KCMF1: variants seen among roughly 807,000 people sequenced by gnomAD.
KCMF1 encodes potassium channel modulatory factor 1, also known as E3 ubiquitin-protein ligase KCMF1.
KCMF1 carries 3 observed loss-of-function variants against 41.1 expected under a neutral mutation model. The ratio of observed to expected loss-of-function variants is 0.07; its 90% confidence interval spans 0.03 to 0.19. The LOEUF is 0.19. Ranked by LOEUF, KCMF1 falls within the 10% of genes least tolerant of loss-of-function variation. KCMF1 has a pLI of 1.00. For synonymous variants in KCMF1, 142 were observed against 164.5 expected, an observed-to-expected ratio of 0.86 and a Z score of 1.04; for missense variants, 286 against 488.9, an observed-to-expected ratio of 0.58 and a Z score of 3.91.
chr2:85,035,277 T>G, intron 3 of KCMF1, 122 bp downstream of exon 3: 1 of 905,196 alleles, frequency 1.1e-6, no homozygotes, highest in Non-Finnish European at 1.6e-6. Flanking sequence ...TTTGCATAGT[T>G]ATTAAAATCA....
intron 5 of KCMF1, among the ~76,000 whole-genome samples, chr2:85,047,027 T>C (rs1675683693): frequency 6.6e-6 from 1 of 152,192 alleles, no homozygotes; most frequent in African/African-American, 2.4e-5. Context: ...AACAGATAAG[T>C]ATGTATAGGA....
intron 3 of KCMF1, among the ~76,000 whole-genome samples, chr2:85,039,182 TATATA>T (rs1175811365): frequency 2.0e-5 from 3 of 152,232 alleles, no homozygotes; most frequent in East Asian, 3.8e-4. Flanking sequence ...GTAACAAAAT[TATATA>T]ATATAACAAA....
chr2:85,038,026 A>C (rs1675443680), intron 3 of KCMF1, among the ~76,000 whole-genome samples: 1 of 152,242 alleles, frequency 6.6e-6, no homozygotes, highest in South Asian at 2.1e-4. Context: ...GTGAATTCCC[A>C]AGATGTCATC....
In KCMF1 at chr2:85,049,490, G is replaced by T; in HGVS notation, c.726G>T (p.Gln242His). 6.2e-7 allele frequency: 1 copy of T among 1,614,046 alleles called. No individual in the cohort carries two copies. The stretch of plus-strand genomic sequence containing the variant: ...TGCAGCTAGAACGGCAGCATGCCCA[G>T]GCAGCACGGCAACAACTGGAGACCG... ...MQLQLERQHA[Q>H]AARQQLETAR... The change falls in exon 6 of 7, where the codon CAG becomes CAT. Residue 242 changes from glutamine to histidine, a missense_variant. Physicochemically the swap from Gln to His is conservative, Grantham distance 24. Transcript: ENST00000409785.
intron 1 of KCMF1, among the ~76,000 whole-genome samples, chr2:84,988,446 T>C (rs1378108302): frequency 6.6e-6 from 1 of 152,222 alleles, no homozygotes; most frequent in South Asian, 2.1e-4. Context: ...TATCTCAGTT[T>C]TATAGATGAG....
chr2:85,023,872 TATC>T (rs1167524051), intron 1 of KCMF1, among the ~76,000 whole-genome samples: 2 of 152,240 alleles, frequency 1.3e-5, no homozygotes, highest in African/African-American at 4.8e-5. Flanking sequence ...TAACACTTGA[TATC>T]ATGAAACTTG....
intron 1 of KCMF1, among the ~76,000 whole-genome samples, chr2:85,002,783 C>G (rs1166650799): frequency 6.6e-6 from 1 of 152,068 alleles, no homozygotes; most frequent in Non-Finnish European, 1.5e-5. Flanking sequence ...CTGTTCCCAG[C>G]TCTTTTGCTG....
chr2:85,000,521 C>G (rs904789060), intron 1 of KCMF1, among the ~76,000 whole-genome samples: 4 of 152,126 alleles, frequency 2.6e-5, no homozygotes, highest in Non-Finnish European at 4.4e-5. Flanking sequence ...TCTCTTCAGT[C>G]TCTATTTCAT....
At chr2:85,019,110 A>G (rs1181839344) in intron 1 of KCMF1, among the ~76,000 whole-genome samples, 4 of 152,180 alleles carry the variant, frequency 2.6e-5, no homozygotes, top group African/African-American at 9.7e-5. Context: ...TCTTCCTGTG[A>G]AGGAATTGAT....
chr2:85,055,095 C>A lies in KCMF1; in HGVS notation c.*1686C>A, dbSNP rs886769277. On this transcript the variant is annotated 3_prime_UTR_variant, in exon 7 of 7. Transcript: ENST00000409785. ...TAAAGGAAAACTTTACACCAGGCTT[C>A]TGGTTACACTAGAAGTCAAGCCCAT... 1.3e-5 allele frequency: 2 copies of A among 152,216 alleles called. No individual in the cohort carries two copies. The highest frequency in any genetic ancestry group is 2.9e-5 in the Non-Finnish European group (2 of 68,040). The allele number at this position is 152,216 out of a possible 1,614,324, so 9.4% of individuals were successfully genotyped here.
At chr2:85,017,951 C>G (rs752873119) in intron 1 of KCMF1, among the ~76,000 whole-genome samples, 18 of 152,016 alleles carry the variant, frequency 1.2e-4, no homozygotes, top group Non-Finnish European at 2.1e-4. Flanking sequence ...AATTTTAGTT[C>G]ATAGCTTTCA....
intron 1 of KCMF1, among the ~76,000 whole-genome samples, chr2:85,019,775 C>CGTGTATATATATACGTATATATGTGT (rs1558577667): frequency 2.0e-5 from 3 of 150,170 alleles, no homozygotes. Flanking sequence ...TATACATATA[C>CGTGTATATATATACGTATATATGTGT]GTGTATATAT....
chr2:85,008,372 T>TATATAATATATA lies in KCMF1; in HGVS notation c.17-19515_17-19514insATAATATATAAT, dbSNP rs1558573622. ...AATATATAATATATATTATATATCA[T>TATATAATATATA]ATGATATATTATATATGATATATAT... On this transcript the variant is annotated intron_variant, in intron 1 of 6. Coordinates refer to ENST00000409785, the MANE Select transcript of KCMF1 (RefSeq NM_020122.5). 6.3e-4 allele frequency among the ~76,000 whole-genome samples: 58 copies of TATATAATATATA among 91,558 alleles called. 1 individual carries two copies. Among genetic ancestry groups the TATATAATATATA allele is most frequent in the Admixed American group, 1.3e-3 (11 of 8,324 alleles). 60.1% of individuals were successfully genotyped at this position (91,558 alleles called of 152,430 possible).
chr2:85,010,512 C>T (rs1031167894), intron 1 of KCMF1, among the ~76,000 whole-genome samples: 2 of 152,178 alleles, frequency 1.3e-5, no homozygotes, highest in African/African-American at 2.4e-5. Flanking sequence ...AAAATTATGG[C>T]TCAGTCTCTC....
At chr2:85,019,633 G>C (rs1302406938) in intron 1 of KCMF1, among the ~76,000 whole-genome samples, 1 of 151,906 alleles carries the variant, frequency 6.6e-6, no homozygotes, top group Non-Finnish European at 1.5e-5. Flanking sequence ...AAAACCCTCT[G>C]TAGCATGCCT....
intron 1 of KCMF1, among the ~76,000 whole-genome samples, chr2:84,998,386 T>C (rs1249050508): frequency 6.6e-6 from 1 of 152,072 alleles, no homozygotes; most frequent in African/African-American, 2.4e-5. Context: ...TGAGCCACCA[T>C]GGCCAGCCTA....
chr2:85,003,589 G>A (rs999704669), intron 1 of KCMF1, among the ~76,000 whole-genome samples: 2 of 151,966 alleles, frequency 1.3e-5, no homozygotes, highest in African/African-American at 4.8e-5. Context: ...AATGTTTGCT[G>A]TCATTTTATT....
intron 6 of KCMF1, among the ~76,000 whole-genome samples, chr2:85,051,455 A>C (rs1675806907): frequency 7.4e-6 from 1 of 134,720 alleles, no homozygotes; most frequent in Non-Finnish European, 1.6e-5. Context: ...GACCCAAACT[A>C]CTCAGCTTGA....
chr2:84,977,065 G>A (rs1328093966), intron 1 of KCMF1, among the ~76,000 whole-genome samples: 1 of 151,850 alleles, frequency 6.6e-6, no homozygotes, highest in Non-Finnish European at 1.5e-5. Context: ...CTAGAGTAGA[G>A]TACATTGGTG....
Sources: gnomAD v4.1 joint callset for allele counts (sites outside exome capture counted in the v4.1 genomes callset) on GRCh38, gnomAD v4.1.1 for gene constraint, MANE v1.5 for transcripts, NCBI Gene and HGNC (gene_info 2026-07-23, HGNC 2026-07-21) for gene names.